The following PPP1R16B variants were observed in gnomAD, a reference collection of about 807,000 sequenced individuals.
The protein encoded by PPP1R16B is protein phosphatase 1 regulatory subunit 16B.
A neutral mutation model predicts 61.7 loss-of-function variants in PPP1R16B; 14 were observed. That is an observed-to-expected ratio of 0.23 (90% CI 0.15 to 0.35). The LOEUF (loss-of-function observed/expected upper bound fraction) is 0.35. Among genes scored for constraint, PPP1R16B ranks in the 10% least tolerant of loss-of-function variants. The probability of loss-of-function intolerance (pLI) is 1.00; values close to 1 mark genes in which losing one functional copy is unlikely to be tolerated. For missense variants in PPP1R16B, 547 were observed against 752.5 expected, an observed-to-expected ratio of 0.73 and a Z score of 3.19; for synonymous variants, 266 against 305.3, an observed-to-expected ratio of 0.87 and a Z score of 1.34.
intron 2 of PPP1R16B, among the ~76,000 whole-genome samples, chr20:38,848,945 T>C (rs1309831619): frequency 6.6e-6 from 1 of 152,232 alleles, no homozygotes; most frequent in Non-Finnish European, 1.5e-5. Flanking sequence ...CCTGCACTTG[T>C]ACCCCTGAAC....
chr20:38,870,205 T>G (rs939665642), intron 2 of PPP1R16B, among the ~76,000 whole-genome samples: 3 of 152,160 alleles, frequency 2.0e-5, no homozygotes, highest in Non-Finnish European at 2.9e-5. Context: ...CCCAAAGTGC[T>G]GGGATTACAG....
At chr20:38,865,374 C>T (rs2085083414) in intron 2 of PPP1R16B, among the ~76,000 whole-genome samples, 1 of 151,896 alleles carries the variant, frequency 6.6e-6, no homozygotes, top group South Asian at 2.1e-4. Flanking sequence ...ACTGCGAGCT[C>T]CGCCTCCCAG....
intron 2 of PPP1R16B, among the ~76,000 whole-genome samples, chr20:38,865,586 C>T (rs572319451): frequency 1.9e-4 from 29 of 152,272 alleles, no homozygotes; most frequent in Admixed American, 1.3e-3. Flanking sequence ...CCGCCGCGCC[C>T]GGCCTGCTGC....
chr20:38,834,837 A>G (rs2084859298), intron 1 of PPP1R16B, among the ~76,000 whole-genome samples: 1 of 152,200 alleles, frequency 6.6e-6, no homozygotes, highest in East Asian at 1.9e-4. Flanking sequence ...CATATAATAT[A>G]TAACATTTTG....
chr20:38,822,059 AT>A (rs1380461422), intron 1 of PPP1R16B, among the ~76,000 whole-genome samples: 3 of 148,260 alleles, frequency 2.0e-5, no homozygotes, highest in Non-Finnish European at 4.5e-5. Flanking sequence ...TAATATATAT[AT>A]TTTTTTAATC....
chr20:38,824,855 C>A (rs1469883894), intron 1 of PPP1R16B, among the ~76,000 whole-genome samples: 1 of 152,188 alleles, frequency 6.6e-6, no homozygotes, highest in African/African-American at 2.4e-5. Context: ...CATGGTGAAA[C>A]CCTGTCTCTG....
intron 2 of PPP1R16B, among the ~76,000 whole-genome samples, chr20:38,884,769 C>A (rs560105875): frequency 2.7e-5 from 4 of 150,430 alleles, no homozygotes; most frequent in Non-Finnish European, 5.9e-5. Flanking sequence ...GAGGCCCTGT[C>A]TCTTAAAAAA....
At chr20:38,851,252 G>A (rs2084967234) in intron 2 of PPP1R16B, among the ~76,000 whole-genome samples, 1 of 151,484 alleles carries the variant, frequency 6.6e-6, no homozygotes, top group South Asian at 2.1e-4. Context: ...ATCACCAGAG[G>A]TCAGGAGTTC....
At chr20:38,823,210 G>GA (rs1568653498) in intron 1 of PPP1R16B, among the ~76,000 whole-genome samples, 1 of 152,182 alleles carries the variant, frequency 6.6e-6, no homozygotes, top group Admixed American at 6.5e-5. Flanking sequence ...CTATGGGATG[G>GA]AAACTTCACT....
intron 2 of PPP1R16B, among the ~76,000 whole-genome samples, chr20:38,869,192 C>T (rs781615362): frequency 8.6e-5 from 13 of 151,580 alleles, no homozygotes; most frequent in Non-Finnish European, 1.6e-4. Context: ...ACAGTCTTGA[C>T]GTGTCACCCA....
intron 10 of PPP1R16B, among the ~76,000 whole-genome samples, chr20:38,909,727 CT>C (rs1036749204): frequency 7.2e-5 from 11 of 152,224 alleles, no homozygotes; most frequent in Middle Eastern, 3.2e-3. Flanking sequence ...GTGGGGTCAC[CT>C]ACTGCCTGTC....
intron 2 of PPP1R16B, among the ~76,000 whole-genome samples, chr20:38,839,708 C>T (rs781249578): frequency 3.3e-5 from 5 of 151,452 alleles, no homozygotes; most frequent in Admixed American, 6.6e-5. Context: ...TCCCATCCAA[C>T]GGTATATCTT....
rs1343737153 is a variant in PPP1R16B, at chr20:38,906,041, GT to G, written c.770del (p.Val257GlyfsTer43). On this transcript the variant is annotated frameshift_variant, in exon 7 of 11. Transcript: ENST00000299824. LOFTEE classifies it high-confidence loss of function. ...LLLDHGVRVD[V>X]KDWDGWEPLH... ...CCTGGACCATGGAGTGCGTGTGGAT[GT>G]GAAGGACTGGGATGGCTGGGAGCCC... 6.2e-7 allele frequency: 1 copy of G among 1,613,602 alleles called. No homozygotes were observed. The highest frequency in any genetic ancestry group is 8.5e-7 in the Non-Finnish European group (1 of 1,179,932).
chr20:38,836,123 C>A lies in PPP1R16B; in HGVS notation c.198C>A (p.Phe66Leu). 6.2e-7 allele frequency: 1 copy of A among 1,612,438 alleles called. No individual in the cohort carries two copies. The highest frequency in any genetic ancestry group is 8.5e-7 in the Non-Finnish European group (1 of 1,179,924). Residue 66 changes from phenylalanine to leucine, a missense_variant, in exon 2 of 11, where the codon TTC becomes TTA. Phe to Leu is a conservative substitution (Grantham distance 22, BLOSUM62 0). Coordinates refer to ENST00000299824, the MANE Select transcript of PPP1R16B (RefSeq NM_015568.4). The stretch of plus-strand genomic sequence containing the variant: ...GCGGCCGCCGCAAGAAAGTGTCCTT[C>A]GAGGCCAGCGTGGCCCTGCTGGAGG... ...STGGRRKKVS[F>L]EASVALLEAS...
intron 1 of PPP1R16B, among the ~76,000 whole-genome samples, chr20:38,814,440 A>G (rs1458977194): frequency 6.6e-6 from 1 of 152,126 alleles, no homozygotes; most frequent in Non-Finnish European, 1.5e-5. Flanking sequence ...AGTAAGTTAC[A>G]TGTGTGTATT....
chr20:38,872,927 A>C (rs561359603), intron 2 of PPP1R16B: 1 of 152,450 alleles, frequency 6.6e-6, no homozygotes, highest in African/African-American at 2.4e-5. Context: ...GCGGAGGACC[A>C]TCAGGGTGCC....
At chr20:38,854,811 G>C (rs931180982) in intron 2 of PPP1R16B, among the ~76,000 whole-genome samples, 4 of 152,184 alleles carry the variant, frequency 2.6e-5, no homozygotes, top group Admixed American at 2.6e-4. Flanking sequence ...TCTGCCAGTA[G>C]CCTCAGTTAC....
intron 3 of PPP1R16B, 83 bp downstream of exon 3, chr20:38,889,748 G>A: frequency 7.3e-7 from 1 of 1,374,914 alleles, no homozygotes; most frequent in South Asian, 1.2e-5. Flanking sequence ...TTCCTGCTCA[G>A]AACCCTCAGG....
chr20:38,844,408 T>A (rs2084925554), intron 2 of PPP1R16B, among the ~76,000 whole-genome samples: 1 of 152,332 alleles, frequency 6.6e-6, no homozygotes, highest in South Asian at 2.1e-4. Context: ...ACACTGCCTG[T>A]TAAATACTCA....
Sources: gnomAD v4.1 joint callset for allele counts (sites outside exome capture counted in the v4.1 genomes callset) on GRCh38, gnomAD v4.1.1 for gene constraint, MANE v1.5 for transcripts, NCBI Gene and HGNC (gene_info 2026-07-23, HGNC 2026-07-21) for gene names.